The following MARK1 variants were observed in gnomAD, a reference collection of about 807,000 sequenced individuals.
The protein encoded by MARK1 is serine/threonine-protein kinase MARK1.
A neutral mutation model predicts 96.3 loss-of-function variants in MARK1; 40 were observed. That is an observed-to-expected ratio of 0.42 (90% CI 0.32 to 0.54). The LOEUF (loss-of-function observed/expected upper bound fraction) is 0.54, where lower values mean the gene tolerates loss of function less well. MARK1 is among the 20% of genes least tolerant of loss of function. The probability of loss-of-function intolerance (pLI) is 0.16; values close to 1 mark genes in which losing one functional copy is unlikely to be tolerated. For missense variants in MARK1, 719 were observed against 984.6 expected, an observed-to-expected ratio of 0.73 and a Z score of 3.61; for synonymous variants, 317 against 341.2, an observed-to-expected ratio of 0.93 and a Z score of 0.78.
At chr1:220,591,977 G>A (rs2786605) in intron 3 of MARK1, among the ~76,000 whole-genome samples, 148,934 of 151,938 alleles carry the variant, frequency 0.98, 73,063 homozygotes, top group East Asian at 1. Context: ...CAGTCTAGCA[G>A]CTTTTATCTA....
chr1:220,554,999 G>T (rs1363021873), intron 1 of MARK1, among the ~76,000 whole-genome samples: 1 of 152,112 alleles, frequency 6.6e-6, no homozygotes, highest in Non-Finnish European at 1.5e-5. Context: ...TCCTTAATTC[G>T]CAGGCCAAGG....
chr1:220,532,733 G>T (rs1341553077), intron 1 of MARK1, among the ~76,000 whole-genome samples: 1 of 152,092 alleles, frequency 6.6e-6, no homozygotes, highest in African/African-American at 2.4e-5. Context: ...GAGTTTAGAA[G>T]AGTGGCTCAT....
intron 3 of MARK1, among the ~76,000 whole-genome samples, chr1:220,583,093 A>G (rs1664351465): frequency 6.6e-6 from 1 of 152,212 alleles, no homozygotes; most frequent in Non-Finnish European, 1.5e-5. Flanking sequence ...AAGTAATGGA[A>G]TGTGAAACAA....
At position 220,618,438 on chromosome 1, in the gene MARK1, T is replaced by G; in HGVS notation, c.681T>G (p.Leu227=). The G allele has an allele frequency of 6.2e-7, 1 of 1,614,198 alleles. No homozygotes were observed. The highest frequency in any genetic ancestry group is 8.5e-7 in the Non-Finnish European group (1 of 1,180,032). Residue 227 remains leucine, a synonymous_variant, in exon 8 of 18, where the codon CTT becomes CTG. Transcript: ENST00000366917. This position sits in a 1 kb window ranked among gnomAD's most constrained non-coding sequence, Gnocchi z 4.6. The stretch of plus-strand genomic sequence containing the variant: ...GCCCACCCTATGCTGCTCCCGAGCT[T>G]TTCCAAGGAAAGAAGTATGATGGGC... ...CGSPPYAAPE[L]FQGKKYDGPE... is the part of the protein sequence containing the mutation.
At position 220,601,556 on chromosome 1, in the gene MARK1, AATT is replaced by A. The variant is rs565226571; in HGVS notation, c.424+1700_424+1702del. 6.8e-3 allele frequency among the ~76,000 whole-genome samples: 1,040 copies of A among 152,074 alleles called. 5 individuals carry two copies. Among genetic ancestry groups the A allele is most frequent in the South Asian group, 0.031 (149 of 4,818 alleles). On this transcript the variant is annotated intron_variant, in intron 5 of 17. Coordinates refer to ENST00000366917, the MANE Select transcript of MARK1 (RefSeq NM_018650.5). ...TAATAATCTGTCTCATGGGAACCCC[AATT>A]ATTATTTTTAGTTTAGTTAGACTCT...
chr1:220,652,089 G>A lies in MARK1; in HGVS notation c.1675G>A (p.Gly559Ser), dbSNP rs1448618170. Residue 559 changes from glycine (G) to serine (S), a missense_variant, in exon 15 of 18, where the codon GGT becomes AGT. Coordinates refer to ENST00000366917, the MANE Select transcript of MARK1 (RefSeq NM_018650.5). ...CCACCAGAAGTCCATGTCCACTTCT[G>A]GTCATCCTATTAAAGTCACACTGCC... Reference protein sequence around the residue: ...PRHQKSMSTSGHPIKVTLPTI... With the variant: ...PRHQKSMSTSSHPIKVTLPTI... The A allele has an allele frequency of 1.2e-6, 2 of 1,613,356 alleles. No homozygotes were observed. The highest frequency in any genetic ancestry group is 2.7e-5 in the African/African-American group (2 of 74,850).
At chr1:220,638,532 T>G (rs1668095710) in intron 13 of MARK1, among the ~76,000 whole-genome samples, 1 of 152,202 alleles carries the variant, frequency 6.6e-6, no homozygotes, top group Admixed American at 6.5e-5. Context: ...TCCCCAAATT[T>G]ATAATCTGTT....
intron 1 of MARK1, 65 bp downstream of exon 1, chr1:220,528,938 C>A: frequency 6.8e-7 from 1 of 1,477,412 alleles, no homozygotes. Flanking sequence ...CCCACTTCAC[C>A]CGCGCTTGGG....
chr1:220,629,628 C>T (rs980522886), intron 9 of MARK1, among the ~76,000 whole-genome samples: 9 of 152,162 alleles, frequency 5.9e-5, no homozygotes, highest in African/African-American at 1.7e-4. Context: ...TCAGCCCCAG[C>T]AATCACCATT....
At chr1:220,627,386 G>C (rs1302412287) in intron 9 of MARK1, 4 of 482,702 alleles carry the variant, frequency 8.3e-6, no homozygotes, top group Non-Finnish European at 1.7e-5. Context: ...CACAGAAGAG[G>C]AGAAAACCAA....
chr1:220,564,860 T>G (rs1216669193), intron 1 of MARK1, among the ~76,000 whole-genome samples: 2 of 152,130 alleles, frequency 1.3e-5, no homozygotes, highest in Non-Finnish European at 2.9e-5. Context: ...TAATACTGTC[T>G]TTTTTCTTCT....
chr1:220,579,427 G>A lies in MARK1; in HGVS notation c.125G>A (p.Arg42Gln), dbSNP rs778867635. 19 of 1,613,916 alleles carry A rather than the reference G, an allele frequency of 1.2e-5. No homozygotes were observed. The Middle Eastern group carries it at 4.9e-4, about 42-fold the overall frequency. ...TKSSSRQNIP[R>Q]CRNSITSATD... ...TCGAGTAGCAGACAGAACATCCCCC[G>A]GTGTAGAAACTCCATTACGTCAGCA... The change falls in exon 2 of 18, where the codon CGG becomes CAG. Residue 42 changes from arginine to glutamine, a missense_variant. Arg to Gln is a conservative substitution (Grantham distance 43). Transcript: ENST00000366917.
At chr1:220,610,738 A>G (rs1317887522) in intron 6 of MARK1, among the ~76,000 whole-genome samples, 1 of 151,638 alleles carries the variant, frequency 6.6e-6, no homozygotes, top group Non-Finnish European at 1.5e-5. Flanking sequence ...GGGGGTTTTT[A>G]TGTAGATGAC....
At chr1:220,659,335 G>A (rs1171314670) in intron 17 of MARK1, among the ~76,000 whole-genome samples, 1 of 152,094 alleles carries the variant, frequency 6.6e-6, no homozygotes, top group East Asian at 1.9e-4. Flanking sequence ...CTATAATAAG[G>A]TTCTGTCATT....
chr1:220,595,898 T>G (rs1450817312), intron 3 of MARK1, among the ~76,000 whole-genome samples: 3 of 152,176 alleles, frequency 2.0e-5, no homozygotes, highest in Non-Finnish European at 2.9e-5. Context: ...TGCATCGATG[T>G]AGAAATTTCA....
intron 17 of MARK1, among the ~76,000 whole-genome samples, chr1:220,660,025 G>T (rs1472857132): frequency 6.6e-6 from 1 of 152,180 alleles, no homozygotes; most frequent in East Asian, 1.9e-4. Flanking sequence ...TGAGCTCATG[G>T]TCCTGCCACC....
intron 1 of MARK1, among the ~76,000 whole-genome samples, chr1:220,548,500 G>A (rs190975617): frequency 6.6e-6 from 1 of 152,064 alleles, no homozygotes; most frequent in Admixed American, 6.5e-5. Flanking sequence ...AGCACTTCGG[G>A]AGGCTGAGAC....
At chr1:220,639,540 A>G (rs1668156473) in intron 13 of MARK1, among the ~76,000 whole-genome samples, 1 of 152,046 alleles carries the variant, frequency 6.6e-6, no homozygotes, top group Non-Finnish European at 1.5e-5. Context: ...ATCCTTATAC[A>G]TTTATGTTAT....
chr1:220,579,329 T>G, intron 1 of MARK1, 25 bp from the exon 2 acceptor site: 6 of 1,515,536 alleles, frequency 4.0e-6, no homozygotes, highest in Non-Finnish European at 5.5e-6. Flanking sequence ...TAATTAACAA[T>G]GAAATCTTGT....
Sources: allele counts gnomAD v4.1 joint callset (sites outside exome capture counted in the v4.1 genomes callset), GRCh38; gene constraint gnomAD v4.1.1; non-coding constraint Gnocchi (gnomAD v3.1); transcripts MANE v1.5; gene names NCBI Gene and HGNC (gene_info 2026-07-23, HGNC 2026-07-21).